NAALADL2: variants seen among roughly 807,000 people sequenced by gnomAD.
NAALADL2 encodes inactive N-acetylated-alpha-linked acidic dipeptidase-like protein 2.
NAALADL2 carries 76 observed loss-of-function variants against 87.2 expected under a neutral mutation model. The ratio of observed to expected loss-of-function variants is 0.87; its 90% CI spans 0.72 to 1.05. The LOEUF (loss-of-function observed/expected upper bound fraction) is 1.05, where lower values mean the gene tolerates loss of function less well. Among genes scored for constraint, NAALADL2 ranks in the 50% least tolerant of loss-of-function variants. The probability of loss-of-function intolerance (pLI) is 0.00; values close to 1 mark genes in which losing one functional copy is unlikely to be tolerated. For synonymous variants in NAALADL2, 354 were observed against 331.0 expected (o/e 1.07, Z -0.75); for missense variants, 1,089 against 945.8 (o/e 1.15, Z -1.99).
intron 13 of NAALADL2, among the ~76,000 whole-genome samples, chr3:175,794,471 CT>C: frequency 6.6e-6 from 1 of 151,520 alleles, no homozygotes; most frequent in African/African-American, 2.4e-5. Flanking sequence ...TGATTTTAGT[CT>C]TGTTTTTGAA....
intron 4 of NAALADL2, among the ~76,000 whole-genome samples, chr3:175,306,512 T>C (rs1298414069): frequency 6.6e-6 from 1 of 152,028 alleles, no homozygotes; most frequent in Non-Finnish European, 1.5e-5. Flanking sequence ...TCTCTGTTCT[T>C]ATATAAAAAT....
chr3:174,610,484 C>T (rs1167802006), intron 2 of NAALADL2, among the ~76,000 whole-genome samples: 1 of 152,060 alleles, frequency 6.6e-6, no homozygotes, highest in Non-Finnish European at 1.5e-5. Context: ...AAACAAACAA[C>T]CCCATCAAAA....
chr3:174,776,493 G>T (rs887301061), intron 3 of NAALADL2, among the ~76,000 whole-genome samples: 1 of 152,014 alleles, frequency 6.6e-6, no homozygotes, highest in African/African-American at 2.4e-5. Flanking sequence ...ATACTCTATC[G>T]AGTCCCTGGG....
intron 3 of NAALADL2, among the ~76,000 whole-genome samples, chr3:174,756,579 A>G (rs890919605): frequency 1.3e-5 from 2 of 152,266 alleles, no homozygotes; most frequent in Non-Finnish European, 2.9e-5. Flanking sequence ...AGATGAAACT[A>G]TTAAATTAAT....
intron 1 of NAALADL2, among the ~76,000 whole-genome samples, chr3:174,880,781 C>T (rs1729094578): frequency 6.6e-6 from 1 of 152,078 alleles, no homozygotes; most frequent in Non-Finnish European, 1.5e-5. Context: ...AATTGAGGGC[C>T]TTAAAACAAT....
At chr3:175,139,796 T>C (rs897678782) in intron 2 of NAALADL2, among the ~76,000 whole-genome samples, 5 of 152,214 alleles carry the variant, frequency 3.3e-5, no homozygotes. Flanking sequence ...AAAAAAATTA[T>C]GCATTGCAAA....
chr3:174,686,876 G>A (rs1028925318), intron 2 of NAALADL2, among the ~76,000 whole-genome samples: 4 of 152,010 alleles, frequency 2.6e-5, no homozygotes, highest in Admixed American at 1.3e-4. Context: ...GTACCACTTA[G>A]GATATAGGAA....
intron 3 of NAALADL2, among the ~76,000 whole-genome samples, chr3:174,761,984 T>C (rs1713036256): frequency 6.6e-6 from 1 of 152,122 alleles, no homozygotes; most frequent in Non-Finnish European, 1.5e-5. Flanking sequence ...TAGAAGCAAA[T>C]AATGTTTAAT....
intron 9 of NAALADL2, among the ~76,000 whole-genome samples, chr3:175,527,173 G>C (rs1372545284): frequency 6.6e-6 from 1 of 152,112 alleles, no homozygotes. Flanking sequence ...GTTTGGATTG[G>C]TGTTTGCCCT....
At chr3:174,965,034 C>A (rs1742671703) in intron 1 of NAALADL2, among the ~76,000 whole-genome samples, 1 of 151,928 alleles carries the variant, frequency 6.6e-6, no homozygotes, top group South Asian at 2.1e-4. Flanking sequence ...TCTCATTATT[C>A]CTACAAATTA....
intron 5 of NAALADL2, among the ~76,000 whole-genome samples, chr3:175,407,218 T>C (rs1040964443): frequency 6.6e-5 from 10 of 152,140 alleles, no homozygotes; most frequent in African/African-American, 7.2e-5. Flanking sequence ...CAGCTAGTTA[T>C]CTGAAATTTT....
At position 174,947,461 on chromosome 3, in the gene NAALADL2, G is replaced by A. The variant is rs1739616109; in HGVS notation, c.43+88011G>A. Among the ~76,000 whole-genome samples, 3 of 152,088 alleles carry A rather than the reference G, an allele frequency of 2.0e-5. No individual in the cohort carries two copies. In the South Asian group the frequency reaches 6.2e-4, roughly 32 times the overall value. ...CTAAGATTAACAGTTCCTTCCTTAA[G>A]TGCTGACCATGGTTAGGAATGGTAG... On this transcript the variant is annotated intron_variant, in intron 1 of 13. Transcript: ENST00000454872.
intron 3 of NAALADL2, among the ~76,000 whole-genome samples, chr3:174,838,446 C>A (rs1723623861): frequency 6.6e-6 from 1 of 152,060 alleles, no homozygotes; most frequent in South Asian, 2.1e-4. Flanking sequence ...GGCAAGGATG[C>A]CGTCTCTCAC....
chr3:175,215,325 T>C (rs976160135), intron 2 of NAALADL2, among the ~76,000 whole-genome samples: 1 of 152,172 alleles, frequency 6.6e-6, no homozygotes, highest in Admixed American at 6.5e-5. Flanking sequence ...TATCGTGTCT[T>C]TTTTCTTTAA....
chr3:174,878,194 GTA>G (rs1728738604), intron 1 of NAALADL2, among the ~76,000 whole-genome samples: 2 of 152,188 alleles, frequency 1.3e-5, no homozygotes, highest in South Asian at 4.1e-4. Flanking sequence ...ATTTCATAAA[GTA>G]TTTTGAGAAA....
chr3:174,503,067 C>T (rs1320863282), intron 1 of NAALADL2, among the ~76,000 whole-genome samples: 4 of 151,276 alleles, frequency 2.6e-5, no homozygotes, highest in Non-Finnish European at 2.9e-5. Context: ...TTACTACTTT[C>T]AGAAAACTTT....
intron 6 of NAALADL2, among the ~76,000 whole-genome samples, chr3:175,452,883 G>C (rs76120735): frequency 2.6e-5 from 4 of 152,100 alleles, no homozygotes; most frequent in African/African-American, 9.7e-5. Flanking sequence ...AGAAAGTAGA[G>C]TCAATTCTCT....
rs1488645323 is a variant in NAALADL2, at chr3:175,576,184, A to G, written c.1797A>G (p.Leu599=). The G allele has an allele frequency of 6.2e-7, 1 of 1,611,696 alleles. No homozygotes were observed. The change falls in exon 10 of 14, where the codon TTA becomes TTG. Residue 599 remains leucine, a synonymous_variant. Coordinates refer to ENST00000454872, the MANE Select transcript of NAALADL2 (RefSeq NM_207015.3). ...TTGCTTACGAGGACATCAAAACATT[A>G]GAGGTGATTGTTCCTAAAAAATGCA... ...VQFAYEDIKT[L]EGPSFLSEAR...
At chr3:175,329,912 A>G (rs1218477152) in intron 5 of NAALADL2, among the ~76,000 whole-genome samples, 1 of 152,168 alleles carries the variant, frequency 6.6e-6, no homozygotes, top group Non-Finnish European at 1.5e-5. Flanking sequence ...ACAGAGGGAA[A>G]TTTGCAGTTG....
Sources: gnomAD v4.1 joint callset for allele counts (sites outside exome capture counted in the v4.1 genomes callset) on GRCh38, gnomAD v4.1.1 for gene constraint, MANE v1.5 for transcripts, NCBI Gene and HGNC (gene_info 2026-07-23, HGNC 2026-07-21) for gene names.